CTCF: variants seen among roughly 807,000 people sequenced by gnomAD.
The protein encoded by CTCF is transcriptional repressor CTCF.
A neutral mutation model predicts 72.3 loss-of-function variants in CTCF; 7 were observed. That is an observed-to-expected ratio of 0.10 (90% CI 0.06 to 0.18). The LOEUF (loss-of-function observed/expected upper bound fraction) is 0.18. Ranked by LOEUF, CTCF falls within the 10% of genes least tolerant of loss-of-function variation. The pLI is 1.00. For synonymous variants in CTCF, 374 were observed against 315.8 expected, an observed-to-expected ratio of 1.18 and a Z score of -1.95; for missense variants, 516 against 949.1, an observed-to-expected ratio of 0.54 and a Z score of 6.00.
chr16:67,616,429 T>TAATA (rs2052132673), intron 4 of CTCF: 4 of 251,676 alleles, frequency 1.6e-5, no homozygotes, highest in African/African-American at 8.9e-5. Flanking sequence ...CGGTCTCTAT[T>TAATA]AACTTTTAAT....
chr16:67,579,753 C>T (rs925194646), intron 2 of CTCF, among the ~76,000 whole-genome samples: 3 of 152,116 alleles, frequency 2.0e-5, no homozygotes, highest in Non-Finnish European at 4.4e-5. Context: ...TTCTTATATA[C>T]ACATCTTTAG....
At chr16:67,629,844 G>A (rs1343010128) in intron 10 of CTCF, among the ~76,000 whole-genome samples, 1 of 123,594 alleles carries the variant, frequency 8.1e-6, no homozygotes, top group Non-Finnish European at 1.6e-5. Flanking sequence ...GCGCGATCTC[G>A]GCTCACTGCA....
intron 1 of CTCF, among the ~76,000 whole-genome samples, chr16:67,570,172 GT>G (rs1193526511): frequency 4.6e-5 from 7 of 150,888 alleles, no homozygotes. Flanking sequence ...CGCCTCCCGG[GT>G]TCATGCCATT....
chr16:67,616,590 G>C, intron 4 of CTCF, 155 bp from the exon 5 acceptor site: 1 of 771,840 alleles, frequency 1.3e-6, no homozygotes, highest in Non-Finnish European at 2.1e-6. Flanking sequence ...CCCTCCCATA[G>C]TTTTCGGAGC....
At chr16:67,595,630 G>A (rs2051801909) in intron 2 of CTCF, among the ~76,000 whole-genome samples, 1 of 152,172 alleles carries the variant, frequency 6.6e-6, no homozygotes, top group Admixed American at 6.6e-5. Context: ...TTTTATGATA[G>A]CCTGTGAAAT....
chr16:67,621,150 T>A, intron 6 of CTCF: 1 of 365,836 alleles, frequency 2.7e-6, no homozygotes, highest in Non-Finnish European at 4.9e-6. Context: ...TATTGTCTTT[T>A]CCTAAAAAGA....
chr16:67,574,357 T>C (rs571963456), intron 2 of CTCF, among the ~76,000 whole-genome samples: 1 of 152,308 alleles, frequency 6.6e-6, no homozygotes, highest in South Asian at 2.1e-4. Context: ...TATTTATTTA[T>C]TTTTGAGACA....
At chr16:67,591,166 G>A (rs1175689917) in intron 2 of CTCF, among the ~76,000 whole-genome samples, 12 of 151,836 alleles carry the variant, frequency 7.9e-5, no homozygotes, top group Non-Finnish European at 1.8e-4. Flanking sequence ...GGTGATGCGT[G>A]CCTGTAATCC....
Position 67,626,471 on chromosome 16 carries a change from AAAG to A in CTCF, c.1358-81_1358-79del, listed in dbSNP as rs2052288910. The A allele has an allele frequency of 8.6e-6, 9 of 1,042,190 alleles. No homozygotes were observed. The South Asian group carries it at 1.1e-4, about 13-fold the overall frequency. 64.6% of individuals were successfully genotyped at this position (1,042,190 alleles called of 1,614,324 possible). ...CCGTCTCAAAAAAAAAAAAAAAAAA[AAAG>A]AATCGAGAAATGTATTAGTAACTTG... is the stretch of plus-strand genomic sequence containing the variant. On this transcript the variant is annotated intron_variant, in intron 7 of 11. Coordinates refer to ENST00000264010, the MANE Select transcript of CTCF (RefSeq NM_006565.4).
intron 4 of CTCF, chr16:67,614,551 G>A (rs2052105142): frequency 6.6e-6 from 1 of 151,802 alleles, no homozygotes; most frequent in Non-Finnish European, 1.5e-5. Flanking sequence ...ACAAAAATTA[G>A]CCAGGTGGCC....
At chr16:67,593,508 T>C (rs2051772983) in intron 2 of CTCF, among the ~76,000 whole-genome samples, 2 of 152,148 alleles carry the variant, frequency 1.3e-5, no homozygotes. Context: ...TGTGTTGCTG[T>C]AAAGGACATT....
chr16:67,599,919 C>T (rs145547323), intron 2 of CTCF, among the ~76,000 whole-genome samples: 18 of 152,270 alleles, frequency 1.2e-4, no homozygotes, highest in Admixed American at 9.8e-4. Flanking sequence ...TTGGAAAGAC[C>T]TCTGTGTAGA....
At chr16:67,611,901 C>T (rs770337529) in intron 3 of CTCF, 50 bp from the exon 4 acceptor site, 8 of 1,517,908 alleles carry the variant, frequency 5.3e-6, no homozygotes, top group Non-Finnish European at 7.3e-6. Context: ...TAGGATTAAT[C>T]TTAACACTTT....
At chr16:67,604,218 A>C (rs2051938658) in intron 2 of CTCF, among the ~76,000 whole-genome samples, 2 of 151,810 alleles carry the variant, frequency 1.3e-5, no homozygotes, top group South Asian at 4.2e-4. Context: ...CTGAGGCAGG[A>C]GGATCACTGG....
At chr16:67,602,330 A>T (rs1280325534) in intron 2 of CTCF, among the ~76,000 whole-genome samples, 1 of 152,240 alleles carries the variant, frequency 6.6e-6, no homozygotes, top group Non-Finnish European at 1.5e-5. Flanking sequence ...AGGATATTTA[A>T]ATAGTCTGGG....
chr16:67,575,987 T>C (rs2051490853), intron 2 of CTCF, among the ~76,000 whole-genome samples: 1 of 140,412 alleles, frequency 7.1e-6, no homozygotes, highest in Non-Finnish European at 1.5e-5. Flanking sequence ...AGACCTTGTC[T>C]GTAAAAAAAA....
intron 1 of CTCF, among the ~76,000 whole-genome samples, chr16:67,569,917 C>T (rs2051391507): frequency 6.6e-6 from 1 of 151,942 alleles, no homozygotes; most frequent in Non-Finnish European, 1.5e-5. Context: ...AACTCCTGAC[C>T]TCAGGTGATC....
chr16:67,601,956 A>C (rs557503744), intron 2 of CTCF, among the ~76,000 whole-genome samples: 1 of 147,926 alleles, frequency 6.8e-6, no homozygotes, highest in East Asian at 2.0e-4. Context: ...CTCCGCCTCC[A>C]GGGTTCACGC....
chr16:67,600,820 G>A (rs531202721), intron 2 of CTCF, among the ~76,000 whole-genome samples: 5 of 152,028 alleles, frequency 3.3e-5, no homozygotes, highest in South Asian at 2.1e-4. Context: ...GGTGATTTTC[G>A]TAATCTGGAG....
Sources: allele counts gnomAD v4.1 joint callset (sites outside exome capture counted in the v4.1 genomes callset), GRCh38; gene constraint gnomAD v4.1.1; transcripts MANE v1.5; gene names NCBI Gene and HGNC (gene_info 2026-07-23, HGNC 2026-07-21).